Variants in TCF20 observed in about 807,000 individuals in gnomAD.
TCF20 encodes transcription factor 20, also known as SPRE-binding protein.
In TCF20, 3 loss-of-function variants were observed where a neutral mutation model predicts 148.6. The ratio of observed to expected loss-of-function variants is 0.02; its 90% confidence interval spans 0.01 to 0.05. The LOEUF (loss-of-function observed/expected upper bound fraction) is 0.05, where lower values mean the gene tolerates loss of function less well. TCF20 is among the 10% of genes least tolerant of loss of function. The pLI, the probability that TCF20 is intolerant of heterozygous loss-of-function variation, is 1.00. For synonymous variants in TCF20, 1,049 were observed against 909.5 expected, an observed-to-expected ratio of 1.15 and a Z score of -2.76; for missense variants, 2,350 against 2,429.3, an observed-to-expected ratio of 0.97 and a Z score of 0.69.
chr22:42,305,239 C>A (rs1190461395), intron 1 of TCF20, among the ~76,000 whole-genome samples: 3 of 152,252 alleles, frequency 2.0e-5, no homozygotes. Context: ...CAAGAGCTGG[C>A]CCAATCCCCT....
intron 2 of TCF20, among the ~76,000 whole-genome samples, chr22:42,196,180 G>A (rs528130380): frequency 3.2e-4 from 48 of 152,346 alleles, no homozygotes; most frequent in African/African-American, 1.1e-3. Flanking sequence ...ACTCAGACCT[G>A]CCACTATTGG....
At chr22:42,322,372 C>T (rs1313604115) in intron 1 of TCF20, among the ~76,000 whole-genome samples, 3 of 151,792 alleles carry the variant, frequency 2.0e-5, no homozygotes, top group African/African-American at 7.2e-5. Flanking sequence ...GCTCAGGCTT[C>T]CCGGCAGCCG....
intron 2 of TCF20, among the ~76,000 whole-genome samples, chr22:42,180,927 C>T (rs1049827030): frequency 6.6e-6 from 1 of 152,208 alleles, no homozygotes; most frequent in African/African-American, 2.4e-5. Flanking sequence ...AAAAGCTTTG[C>T]CCTGCTCTCA....
At chr22:42,218,642 T>C (rs1922039733) in intron 1 of TCF20, among the ~76,000 whole-genome samples, 1 of 152,174 alleles carries the variant, frequency 6.6e-6, no homozygotes, top group African/African-American at 2.4e-5. Flanking sequence ...CTTCTGGAAA[T>C]AAAATCAGGC....
At chr22:42,269,744 T>G (rs936674107) in intron 1 of TCF20, 1 of 152,800 alleles carries the variant, frequency 6.5e-6, no homozygotes, top group Non-Finnish European at 1.5e-5. Context: ...CGCCGGTACC[T>G]GCCCTCCGCC....
chr22:42,341,250 G>A (rs561838282), intron 1 of TCF20, among the ~76,000 whole-genome samples: 2 of 152,274 alleles, frequency 1.3e-5, no homozygotes, highest in Admixed American at 6.5e-5. Flanking sequence ...CGGGGGACAC[G>A]CTAATGAAGA....
intron 1 of TCF20, among the ~76,000 whole-genome samples, chr22:42,302,883 G>A (rs1601699460): frequency 6.6e-6 from 1 of 152,200 alleles, no homozygotes; most frequent in African/African-American, 2.4e-5. Context: ...CACACGGCAC[G>A]GGTTTAATAG....
At chr22:42,195,194 C>T (rs1475513724) in intron 2 of TCF20, among the ~76,000 whole-genome samples, 1 of 150,724 alleles carries the variant, frequency 6.6e-6, no homozygotes, top group African/African-American at 2.4e-5. Context: ...GCACTACATT[C>T]ACCCAGTGGC....
At position 42,219,665 on chromosome 22, in the gene TCF20, G is replaced by C. The variant is rs567956797; in HGVS notation, c.-36-4324C>G. ...GGGCTCAGGAGTTCGAGACCAGCCT[G>C]GGCAACATGGCGAAACCCTATCTTT... On this transcript the variant is annotated intron_variant, in intron 1 of 5. Coordinates refer to ENST00000677622, the MANE Select transcript of TCF20 (RefSeq NM_001378418.1). Among the ~76,000 whole-genome samples the C allele has an allele frequency of 1.3e-3, 192 of 152,106 alleles. 6 individuals carry two copies. In the South Asian group the frequency reaches 0.038, roughly 30 times the overall value.
intron 2 of TCF20, among the ~76,000 whole-genome samples, chr22:42,203,188 T>C (rs1938158437): frequency 6.6e-6 from 1 of 152,182 alleles, no homozygotes; most frequent in Admixed American, 6.5e-5. Context: ...TCATTAAGAC[T>C]GGCTAATTTT....
intron 2 of TCF20, among the ~76,000 whole-genome samples, chr22:42,204,842 CAAAATA>C (rs1213014869): frequency 1.3e-5 from 2 of 151,744 alleles, no homozygotes; most frequent in Non-Finnish European, 1.5e-5. Context: ...AGACTCATCT[CAAAATA>C]AAAATAAAAA....
At chr22:42,253,070 G>GA (rs904554089) in intron 1 of TCF20, among the ~76,000 whole-genome samples, 6 of 151,774 alleles carry the variant, frequency 4.0e-5, no homozygotes, top group African/African-American at 1.2e-4. Context: ...GGGGCCATAG[G>GA]AAAAAAACAA....
intron 2 of TCF20, among the ~76,000 whole-genome samples, chr22:42,190,338 T>C (rs1481667262): frequency 1.3e-5 from 2 of 152,218 alleles, no homozygotes; most frequent in African/African-American, 2.4e-5. Context: ...GCACTCCCTG[T>C]AGTCCCAGCT....
At chr22:42,180,559 A>G (rs1936720015) in intron 2 of TCF20, among the ~76,000 whole-genome samples, 1 of 152,224 alleles carries the variant, frequency 6.6e-6, no homozygotes, top group Non-Finnish European at 1.5e-5. Context: ...GAGGCACACA[A>G]CCAGCAAGAC....
intron 1 of TCF20, among the ~76,000 whole-genome samples, chr22:42,324,768 C>T (rs762981768): frequency 1.0e-5 from 1 of 97,396 alleles, no homozygotes; most frequent in East Asian, 3.9e-4. Context: ...TGTTCTGAAT[C>T]GTGTGGTTTG....
Position 42,161,299 on chromosome 22 carries a change from G to A in TCF20, c.*104C>T, listed in dbSNP as rs375877790. On this transcript the variant is annotated 3_prime_UTR_variant, in exon 6 of 6. Transcript: ENST00000677622. The stretch of plus-strand genomic sequence containing the variant: ...GGGGCAGGGCAGGGTGTGGCTGCAC[G>A]GTAGGACGATTTCCATTCCATCACG... The A allele has an allele frequency of 5.9e-5, 95 of 1,613,112 alleles. No homozygotes were observed. The highest frequency in any genetic ancestry group is 7.7e-5 in the Non-Finnish European group (91 of 1,179,906).
At chr22:42,253,846 G>A (rs1925568176) in intron 1 of TCF20, among the ~76,000 whole-genome samples, 1 of 152,150 alleles carries the variant, frequency 6.6e-6, no homozygotes, top group South Asian at 2.1e-4. Flanking sequence ...GGGAGGCCAG[G>A]CAGGAGAATC....
In TCF20 at chr22:42,214,217, G is replaced by A. The variant is rs1465305678; in HGVS notation, c.1089C>T (p.Asn363=). 3 of 1,614,248 alleles carry A rather than the reference G, an allele frequency of 1.9e-6. No individual in the cohort carries two copies. Among genetic ancestry groups the A allele is most frequent in the Non-Finnish European group, 2.5e-6 (3 of 1,180,046 alleles). Reference sequence around the variant, plus strand: ...GAGAAGGGTTAGAAATGGGGCTGAAGTTCTGGTGAAACTGCATGGGGGACC... The same window carrying A: ...GAGAAGGGTTAGAAATGGGGCTGAAATTCTGGTGAAACTGCATGGGGGACC... ...PVRSPMQFHQ[N]FSPISNPSPA... Residue 363 remains asparagine (N), a synonymous_variant, in exon 2 of 6, where the codon AAC becomes AAT. Transcript: ENST00000677622.
chr22:42,215,523 T>A (rs1447657169), intron 1 of TCF20, 182 bp from the exon 2 acceptor site: 12 of 746,328 alleles, frequency 1.6e-5, no homozygotes, highest in Admixed American at 3.4e-5. Flanking sequence ...CAGGCTGGAG[T>A]GCAATTGCAC....
Sources: allele counts gnomAD v4.1 joint callset (sites outside exome capture counted in the v4.1 genomes callset), GRCh38; gene constraint gnomAD v4.1.1; transcripts MANE v1.5; gene names NCBI Gene and HGNC (gene_info 2026-07-23, HGNC 2026-07-21).